CD99: variants seen among roughly 807,000 people sequenced by gnomAD.
CD99 encodes the protein CD99 molecule (Xg blood group).
A neutral mutation model predicts 28.4 loss-of-function variants in CD99; 19 were observed. The observed-to-expected ratio is 0.67, with a 90% CI of 0.47 to 0.98. CD99 has a LOEUF of 0.98. Ranked by LOEUF, CD99 falls within the 50% of genes least tolerant of loss-of-function variation. CD99 has a pLI of 0.00. For missense variants in CD99, 283 were observed against 248.8 expected, an observed-to-expected ratio of 1.14 and a Z score of -0.92; for synonymous variants, 103 against 92.1, an observed-to-expected ratio of 1.12 and a Z score of -0.67.
chrX:2,712,671 G>A (rs780624407), intron 1 of CD99, among the ~76,000 whole-genome samples: 3 of 152,202 alleles, frequency 2.0e-5, no homozygotes, highest in Admixed American at 6.5e-5. Flanking sequence ...TTGTGGAAAC[G>A]ACTCCACTCT....
rs138440401 is a variant in CD99, at chrX:2,729,732, G to A, written c.475+3359G>A. Among the ~76,000 whole-genome samples, 1,511 of 152,166 alleles carry A rather than the reference G, an allele frequency of 9.9e-3. 30 individuals are homozygous for A. The highest frequency in any genetic ancestry group is 0.035 in the African/African-American group (1,433 of 41,512). ...AAACAACTTTTCCTCTACCTTATCC[G>A]CCCCGCCACCCCTGGGTCTTGGTCT... On this transcript the variant is annotated intron_variant, in intron 8 of 9. Transcript: ENST00000381192.
chrX:2,703,395 G>C (rs1361669335), intron 1 of CD99, among the ~76,000 whole-genome samples: 2 of 152,076 alleles, frequency 1.3e-5, no homozygotes, highest in Non-Finnish European at 2.9e-5. Context: ...CAATGTGAGT[G>C]ACTCCACAAT....
chrX:2,714,460 T>G lies in CD99; in HGVS notation c.100+6T>G, dbSNP rs1378486321. ...TTTATCCGATGCCCTTCCTGGTGAG[T>G]ATCAACATCATTTTTTAAAATCCCG... On this transcript the variant is annotated splice_donor_region_variant and intron_variant, in intron 2 of 9. Transcript: ENST00000381192. 1.9e-6 allele frequency: 3 copies of G among 1,597,566 alleles called. No individual in the cohort carries two copies. The African/African-American group carries it at 4.0e-5, about 21-fold the overall frequency.
chrX:2,721,728 A>G (rs1201106001), intron 5 of CD99, among the ~76,000 whole-genome samples: 4 of 152,186 alleles, frequency 2.6e-5, no homozygotes, highest in Non-Finnish European at 5.9e-5. Context: ...TTTCTATCGT[A>G]TGAGTTTTAC....
chrX:2,699,793 A>G (rs1422251369), intron 1 of CD99, among the ~76,000 whole-genome samples: 2 of 152,198 alleles, frequency 1.3e-5, no homozygotes, highest in African/African-American at 4.8e-5. Flanking sequence ...GAGGGTCTTC[A>G]TGTGTGGCTG....
At chrX:2,694,370 G>A (rs769283088) in intron 1 of CD99, among the ~76,000 whole-genome samples, 1 of 152,112 alleles carries the variant, frequency 6.6e-6, no homozygotes, top group South Asian at 2.1e-4. Context: ...TCTGGGCAGA[G>A]GAAGTGGGTT....
At chrX:2,712,393 A>T (rs1457411173) in intron 1 of CD99, among the ~76,000 whole-genome samples, 1 of 151,328 alleles carries the variant, frequency 6.6e-6, no homozygotes, top group Non-Finnish European at 1.5e-5. Context: ...TGCACCACAA[A>T]TAAATAGGCG....
At chrX:2,703,750 GC>G (rs2047990496) in intron 1 of CD99, among the ~76,000 whole-genome samples, 1 of 152,012 alleles carries the variant, frequency 6.6e-6, no homozygotes. Context: ...AAACTGCAGG[GC>G]AGAGACCACT....
In CD99 at chrX:2,720,394, A is replaced by G. The variant is rs1351427875; in HGVS notation, c.232A>G (p.Asn78Asp). 9.9e-6 allele frequency: 16 copies of G among 1,613,726 alleles called. No individual in the cohort carries two copies. Among genetic ancestry groups the G allele is most frequent in the Non-Finnish European group, 1.4e-5 (16 of 1,179,834 alleles). The change falls in exon 5 of 10, where the codon AAT becomes GAT. Residue 78 changes from asparagine (N) to aspartate (D), a missense_variant. Coordinates refer to ENST00000381192, the MANE Select transcript of CD99 (RefSeq NM_002414.5). ...ACCGAACCCACCCAAACCGATGCCA[A>G]ATCCAAACCCCAACCACCCTAGTTC... ...RPPNPPKPMPNPNPNHPSSSG... is the reference protein window; with the variant it reads ...RPPNPPKPMPDPNPNHPSSSG...
chrX:2,711,300 G>GTATA (rs2048394290), intron 1 of CD99, among the ~76,000 whole-genome samples: 2 of 147,288 alleles, frequency 1.4e-5, no homozygotes, highest in South Asian at 4.2e-4. Flanking sequence ...TGTATATATA[G>GTATA]TATATATAGT....
At chrX:2,727,774 G>GC (rs1262714784) in intron 8 of CD99, among the ~76,000 whole-genome samples, 2 of 152,190 alleles carry the variant, frequency 1.3e-5, no homozygotes, top group Admixed American at 6.5e-5. Flanking sequence ...ACCACACCTG[G>GC]CCAACAGCTA....
intron 8 of CD99, among the ~76,000 whole-genome samples, chrX:2,733,068 G>GCCTTCCTCCCTT (rs1036002529): frequency 7.3e-6 from 1 of 137,818 alleles, no homozygotes. Flanking sequence ...CCCTCTTTCT[G>GCCTTCCTCCCTT]CCTTCCTCCC....
At chrX:2,691,668 T>C (rs1363771716) in intron 1 of CD99, 2 of 704,486 alleles carry the variant, frequency 2.8e-6, no homozygotes, top group Admixed American at 4.0e-5. Context: ...AGTTGCAAAC[T>C]CTTACATGTG....
At chrX:2,691,981 G>A (rs1278339129) in intron 1 of CD99, 1 of 757,524 alleles carries the variant, frequency 1.3e-6, no homozygotes. Context: ...GTGGATGCGG[G>A]CTCCGGGAAT....
At chrX:2,739,191 T>C (rs1224552869) in intron 9 of CD99, among the ~76,000 whole-genome samples, 2 of 152,096 alleles carry the variant, frequency 1.3e-5, no homozygotes, top group Non-Finnish European at 2.9e-5. Context: ...CTAAAAATCC[T>C]CTCAACCAGG....
rs1332444102 is a variant in CD99 at position 2,728,834 on chromosome X, CTTTTTTTTTTT to C, written c.475+2471_475+2481del. Among the ~76,000 whole-genome samples the C allele has an allele frequency of 4.2e-3, 501 of 119,626 alleles. 7 individuals carry two copies. The Middle Eastern group carries it at 0.053, about 13-fold the overall frequency. The allele number at this position is 119,626 out of a possible 152,430, so 78.5% of individuals were successfully genotyped here. Reference sequence around the variant, plus strand: ...AGATGTTGTATTTCAAACTCTCTGGCTTTTTTTTTTTTTTTTTTTTGAGACGGAGTCTCGCT... The same window carrying C: ...AGATGTTGTATTTCAAACTCTCTGGCTTTTTTTTTGAGACGGAGTCTCGCT... On this transcript the variant is annotated intron_variant, in intron 8 of 9. Transcript: ENST00000381192.
chrX:2,718,340 T>C (rs2048835101), intron 3 of CD99, among the ~76,000 whole-genome samples: 1 of 152,000 alleles, frequency 6.6e-6, no homozygotes, highest in Admixed American at 6.5e-5. Context: ...CACACCTCAT[T>C]TGTTCTCAGT....
chrX:2,696,550 G>A (rs756652315), intron 1 of CD99, among the ~76,000 whole-genome samples: 17 of 152,168 alleles, frequency 1.1e-4, no homozygotes, highest in East Asian at 3.9e-4. Flanking sequence ...ACAGGTGCCC[G>A]CCACCACACC....
At chrX:2,695,745 T>C (rs2047545178) in intron 1 of CD99, among the ~76,000 whole-genome samples, 1 of 151,840 alleles carries the variant, frequency 6.6e-6, no homozygotes. Context: ...GCAATTCTCC[T>C]GCCTCAGACA....
Sources: allele counts gnomAD v4.1 joint callset (sites outside exome capture counted in the v4.1 genomes callset), GRCh38; gene constraint gnomAD v4.1.1; transcripts MANE v1.5; gene names NCBI Gene and HGNC (gene_info 2026-07-23, HGNC 2026-07-21).